MARVELD2: variants seen among roughly 807,000 people sequenced by gnomAD.
MARVELD2 encodes MARVEL domain containing 2, also known as MARVEL domain-containing protein 2.
In MARVELD2, 49 loss-of-function variants were observed where a neutral mutation model predicts 57.6. The ratio of observed to expected loss-of-function variants is 0.85; its 90% CI spans 0.68 to 1.08. The LOEUF (loss-of-function observed/expected upper bound fraction) is 1.08, where lower values mean the gene tolerates loss of function less well. Ranked by LOEUF, MARVELD2 falls within the 50% of genes least tolerant of loss-of-function variation. The probability of loss-of-function intolerance (pLI) is 0.00; values close to 1 mark genes in which losing one functional copy is unlikely to be tolerated. For synonymous variants in MARVELD2, 238 were observed against 258.8 expected (o/e 0.92, Z 0.77); for missense variants, 606 against 701.1 (o/e 0.86, Z 1.53).
At chr5:69,420,814 C>G (rs1766607045) in intron 2 of MARVELD2, among the ~76,000 whole-genome samples, 1 of 151,998 alleles carries the variant, frequency 6.6e-6, no homozygotes, top group Non-Finnish European at 1.5e-5. Flanking sequence ...TTATGTCTGT[C>G]TGAAGCTTAA....
Position 69,419,658 on chromosome 5 carries a change from A to T in MARVELD2, c.273A>T (p.Arg91Ser), listed in dbSNP as rs202188305. 48 of 1,614,168 alleles carry T rather than the reference A, an allele frequency of 3.0e-5. No individual in the cohort carries two copies. The Admixed American group carries it at 8.0e-4, about 27-fold the overall frequency. Residue 91 changes from arginine to serine, a missense_variant, in exon 2 of 7, where the codon AGA (arginine) becomes AGT (serine). Arg to Ser is a moderately radical substitution (Grantham distance 110). Transcript: ENST00000325631. ...FVPDSWKNFF[R>S]GKKKDPEWDK... ...CTGACTCCTGGAAGAACTTTTTCAG[A>T]GGGAAGAAAAAGGACCCCGAATGGG...
chr5:69,419,974 G>A lies in MARVELD2; in HGVS notation c.589G>A (p.Gly197Ser). 1 of 1,614,142 alleles carries A rather than the reference G, an allele frequency of 6.2e-7. No homozygotes were observed. Among genetic ancestry groups the A allele is most frequent in the Non-Finnish European group, 8.5e-7 (1 of 1,180,030 alleles). ...KSWAGLLRIL[G>S]VVELLLGAGV... ...GTGGGCAGGCCTGCTGAGAATACTG[G>A]GTGTGGTGGAGCTGCTTTTGGGGGC... Residue 197 changes from glycine to serine, a missense_variant, in exon 2 of 7, where the codon GGT becomes AGT. Transcript: ENST00000325631.
Position 69,430,187 on chromosome 5 carries a change from G to A in MARVELD2, c.1183-2340G>A, listed in dbSNP as rs538022995. ...GTTTGAGACCAGACTAGGAAATATGGTGAAACCCCATCTCTACTAAAATAC... is the reference window on the plus strand; with the variant it reads ...GTTTGAGACCAGACTAGGAAATATGATGAAACCCCATCTCTACTAAAATAC... On this transcript the variant is annotated intron_variant, in intron 3 of 6. Coordinates refer to ENST00000325631, the MANE Select transcript of MARVELD2 (RefSeq NM_001038603.3). Among the ~76,000 whole-genome samples the A allele has an allele frequency of 4.6e-5, 7 of 152,156 alleles. No individual in the cohort carries two copies. In the South Asian group the frequency reaches 1.5e-3, roughly 32 times the overall value.
intron 4 of MARVELD2, 104 bp downstream of exon 4, chr5:69,432,779 C>T (rs909251811): frequency 1.7e-5 from 27 of 1,570,336 alleles, no homozygotes; most frequent in Middle Eastern, 1.7e-4. Flanking sequence ...TGCTTAAAAT[C>T]GTGTATGTAA....
At chr5:69,422,900 T>C (rs6870267) in intron 2 of MARVELD2, among the ~76,000 whole-genome samples, 129,742 of 152,220 alleles carry the variant, frequency 0.85, 56,585 homozygotes, top group Non-Finnish European at 0.95. Context: ...AAAGAACCTA[T>C]GTGAAATATC....
At chr5:69,428,584 AG>A (rs1349078533) in intron 3 of MARVELD2, among the ~76,000 whole-genome samples, 2 of 127,994 alleles carry the variant, frequency 1.6e-5, no homozygotes, top group South Asian at 2.7e-4. Flanking sequence ...TGATTTCTTC[AG>A]GCTCCCTTTC....
At chr5:69,440,985 G>A (rs1232857132) in intron 6 of MARVELD2, among the ~76,000 whole-genome samples, 6 of 152,116 alleles carry the variant, frequency 3.9e-5, no homozygotes, top group Non-Finnish European at 7.3e-5. Context: ...TTGGGAGGCT[G>A]AAGTGGGAGG....
chr5:69,424,067 T>C (rs1056319132), intron 2 of MARVELD2, among the ~76,000 whole-genome samples: 1 of 152,210 alleles, frequency 6.6e-6, no homozygotes, highest in African/African-American at 2.4e-5. Context: ...TTAAAAATTC[T>C]ATATGAATAG....
rs148278203 is a variant in MARVELD2 at position 69,418,355 on chromosome 5, A to G, written c.-15-1016A>G. On this transcript the variant is annotated intron_variant, in intron 1 of 6. Transcript: ENST00000325631. ...ACAAATGGTTTCCTTCTTTCTGTAT[A>G]TGGGTGCAGAGCATTGATTTCATGA... 2.0e-3 allele frequency among the ~76,000 whole-genome samples: 301 copies of G among 152,342 alleles called. 1 individual carries two copies. Among genetic ancestry groups the G allele is most frequent in the African/African-American group, 6.4e-3 (266 of 41,582 alleles).
chr5:69,419,383 CA>C lies in MARVELD2; in HGVS notation c.1del. 6.2e-7 allele frequency: 1 copy of C among 1,614,170 alleles called. No homozygotes were observed. Among genetic ancestry groups the C allele is most frequent in the Non-Finnish European group, 8.5e-7 (1 of 1,180,040 alleles). ...AATTTGGCCACAGGTGTGAAAATCA[CA>C]AATGTCAAATGATGGAAGATCCAGG... is the stretch of plus-strand genomic sequence containing the variant. On this transcript the variant is annotated 5_prime_UTR_variant, in exon 2 of 7. Coordinates refer to ENST00000325631, the MANE Select transcript of MARVELD2 (RefSeq NM_001038603.3).
In MARVELD2 at chr5:69,438,098, T is replaced by C. The variant is rs920330824; in HGVS notation, c.1504-2352T>C. 2.0e-5 allele frequency among the ~76,000 whole-genome samples: 3 copies of C among 152,194 alleles called. 1 individual carries two copies. The highest frequency in any genetic ancestry group is 2.9e-5 in the Non-Finnish European group (2 of 68,022). On this transcript the variant is annotated intron_variant, in intron 5 of 6. Coordinates refer to ENST00000325631, the MANE Select transcript of MARVELD2 (RefSeq NM_001038603.3). The stretch of plus-strand genomic sequence containing the variant: ...TTCCCACCATGTCCCCATGGAAGCA[T>C]GTGAGGCATTTCAAAGCCCAGTGGG...
chr5:69,432,507 C>G lies in MARVELD2; in HGVS notation c.1183-20C>G, dbSNP rs777282808. The G allele has an allele frequency of 1.9e-6, 3 of 1,613,486 alleles. No individual in the cohort carries two copies. Among genetic ancestry groups the G allele is most frequent in the South Asian group, 2.2e-5 (2 of 91,036 alleles). On this transcript the variant is annotated intron_variant, in intron 3 of 6. Transcript: ENST00000325631. ...CTACTTATGTTTATTAACAAATCCT[C>G]TTTTTCTCCCTAACTGCAGTGTGAA...
chr5:69,436,695 G>C (rs1264138628), intron 5 of MARVELD2, among the ~76,000 whole-genome samples: 4 of 152,066 alleles, frequency 2.6e-5, no homozygotes, highest in Admixed American at 1.3e-4. Context: ...AATAAGCAAG[G>C]CCCACAGGTC....
intron 6 of MARVELD2, 106 bp from the exon 7 acceptor site, chr5:69,441,426 T>C: frequency 7.6e-7 from 1 of 1,309,534 alleles, no homozygotes. Flanking sequence ...GAATCTGCTG[T>C]AGAGACTTTT....
At chr5:69,441,504 C>A in intron 6 of MARVELD2, 28 bp from the exon 7 acceptor site, 3 of 1,604,268 alleles carry the variant, frequency 1.9e-6, no homozygotes, top group Non-Finnish European at 2.6e-6. Context: ...AGCCAGGAGC[C>A]AAAATAATAC....
chr5:69,421,007 C>A (rs949483023), intron 2 of MARVELD2, among the ~76,000 whole-genome samples: 2 of 151,908 alleles, frequency 1.3e-5, no homozygotes, highest in African/African-American at 2.4e-5. Context: ...TGTGGTAAAC[C>A]ATGTTTGATT....
At chr5:69,440,357 A>T (rs577169842) in intron 5 of MARVELD2, 93 bp from the exon 6 acceptor site, 1 of 675,150 alleles carries the variant, frequency 1.5e-6, no homozygotes, top group African/African-American at 1.8e-5. Flanking sequence ...CTTAGGTAAA[A>T]ATTATTTTTT....
At chr5:69,432,766 C>G in intron 4 of MARVELD2, 91 bp downstream of exon 4, 1 of 1,585,212 alleles carries the variant, frequency 6.3e-7, no homozygotes, top group South Asian at 1.1e-5. Context: ...AGTTAATACT[C>G]TGTGCTTAAA....
chr5:69,431,205 C>T (rs1766952862), intron 3 of MARVELD2, among the ~76,000 whole-genome samples: 1 of 151,712 alleles, frequency 6.6e-6, no homozygotes, highest in African/African-American at 2.4e-5. Flanking sequence ...AGCTCCGCCT[C>T]CTGGGTTCAC....
Sources: allele counts gnomAD v4.1 joint callset (sites outside exome capture counted in the v4.1 genomes callset), GRCh38; gene constraint gnomAD v4.1.1; transcripts MANE v1.5; gene names NCBI Gene and HGNC (gene_info 2026-07-23, HGNC 2026-07-21).